TENM3: variants seen among roughly 807,000 people sequenced by gnomAD.
TENM3 encodes the protein teneurin transmembrane protein 3.
TENM3 carries 63 observed loss-of-function variants against 255.1 expected under a neutral mutation model. The observed-to-expected ratio is 0.25, with a 90% CI of 0.20 to 0.30. The LOEUF is 0.30. TENM3 is among the 10% of genes least tolerant of loss of function. The pLI is 1.00. For missense variants in TENM3, 2,929 were observed against 3,461.1 expected (o/e 0.85, Z 3.86); for synonymous variants, 1,306 against 1,322.3 (o/e 0.99, Z 0.27).
chr4:182,147,632 G>C (rs1365720810), intron 1 of TENM3, among the ~76,000 whole-genome samples: 1 of 152,100 alleles, frequency 6.6e-6, no homozygotes, highest in East Asian at 1.9e-4. Context: ...TCTACCCTGT[G>C]TTTCGTTTGA....
At chr4:182,557,441 G>T (rs559592686) in intron 3 of TENM3, among the ~76,000 whole-genome samples, 1 of 152,242 alleles carries the variant, frequency 6.6e-6, no homozygotes, top group East Asian at 1.9e-4. Context: ...CCAGGGCTCA[G>T]CTCTTAACAT....
the TENM3 span, among the ~76,000 whole-genome samples, chr4:181,989,988 T>C: frequency 6.6e-6 from 1 of 152,164 alleles, no homozygotes; most frequent in African/African-American, 2.4e-5. Context: ...ATTGTACATA[T>C]ATAAATGATT....
chr4:182,361,842 G>A (rs1181020070), intron 3 of TENM3, among the ~76,000 whole-genome samples: 2 of 152,096 alleles, frequency 1.3e-5, no homozygotes, highest in African/African-American at 4.8e-5. Flanking sequence ...CCCCGTCTTT[G>A]TGGTTTTATC....
At chr4:182,500,633 ATAATTAG>A (rs1736216999) in intron 3 of TENM3, among the ~76,000 whole-genome samples, 1 of 90,152 alleles carries the variant, frequency 1.1e-5, no homozygotes. Context: ...ATTTAAGTAA[ATAATTAG>A]AAAACGTGTA....
At chr4:182,336,092 T>C (rs77474298) in intron 2 of TENM3, among the ~76,000 whole-genome samples, 2,252 of 152,272 alleles carry the variant, frequency 0.015, 28 homozygotes, top group Non-Finnish European at 0.023. Flanking sequence ...AAGCGGCTAC[T>C]GTAGGCGGGA....
the TENM3 span, among the ~76,000 whole-genome samples, chr4:181,485,494 AAAAG>A: frequency 1.3e-5 from 2 of 152,146 alleles, no homozygotes; most frequent in Admixed American, 1.3e-4. Flanking sequence ...TTTTTTAAAA[AAAAG>A]AGTATCACTT....
chr4:181,793,084 A>G, the TENM3 span, among the ~76,000 whole-genome samples: 6 of 152,180 alleles, frequency 3.9e-5, no homozygotes, highest in East Asian at 7.7e-4. Context: ...ACTTCTTCCA[A>G]TGAATTGACA....
intron 3 of TENM3, among the ~76,000 whole-genome samples, chr4:182,431,266 C>G (rs906865467): frequency 6.6e-6 from 1 of 151,842 alleles, no homozygotes. Flanking sequence ...GAGACCGAGA[C>G]AGGCGGATTA....
chr4:182,372,875 C>T (rs1029529057), intron 3 of TENM3, among the ~76,000 whole-genome samples: 3 of 152,058 alleles, frequency 2.0e-5, no homozygotes, highest in Non-Finnish European at 2.9e-5. Flanking sequence ...ACTATAGGCA[C>T]GTGCCACCAC....
chr4:181,784,156 A>G, the TENM3 span, among the ~76,000 whole-genome samples: 2 of 125,158 alleles, frequency 1.6e-5, no homozygotes, highest in African/African-American at 5.6e-5. Flanking sequence ...GAAACGAGTC[A>G]TCTGTTTTTT....
the TENM3 span, among the ~76,000 whole-genome samples, chr4:181,601,164 G>A: frequency 6.6e-6 from 1 of 152,126 alleles, no homozygotes; most frequent in Admixed American, 6.5e-5. Flanking sequence ...ACCACAAACT[G>A]GGTGATTAAA....
the TENM3 span, among the ~76,000 whole-genome samples, chr4:181,644,228 T>C: frequency 6.6e-6 from 1 of 152,078 alleles, no homozygotes; most frequent in Non-Finnish European, 1.5e-5. Context: ...CAGTGTTCCT[T>C]ACCTGGAAGA....
the TENM3 span, among the ~76,000 whole-genome samples, chr4:181,769,023 C>G: frequency 3.7e-4 from 56 of 151,940 alleles, no homozygotes; most frequent in African/African-American, 1.2e-3. Flanking sequence ...ATTTTTTTCT[C>G]TTTTAGCAGG....
the TENM3 span, among the ~76,000 whole-genome samples, chr4:181,892,267 C>A: frequency 6.6e-6 from 1 of 152,142 alleles, no homozygotes; most frequent in Admixed American, 6.5e-5. Flanking sequence ...ACTCAGGTAG[C>A]CACTGAGTCC....
the TENM3 span, among the ~76,000 whole-genome samples, chr4:181,892,636 C>T: frequency 2.0e-5 from 3 of 152,154 alleles, no homozygotes; most frequent in African/African-American, 7.2e-5. Context: ...CACCTTGGCC[C>T]CTCACATGCT....
the TENM3 span, among the ~76,000 whole-genome samples, chr4:181,602,599 C>T: frequency 6.6e-6 from 1 of 152,158 alleles, no homozygotes; most frequent in East Asian, 1.9e-4. Context: ...ACAAGTCATC[C>T]ACTCTTGAGA....
the TENM3 span, among the ~76,000 whole-genome samples, chr4:182,059,760 AAAG>A: frequency 1.4e-4 from 18 of 130,814 alleles, no homozygotes; most frequent in Admixed American, 3.5e-4. Context: ...AAAAAAAAAA[AAAG>A]AAAAAAAAAA....
intron 3 of TENM3, among the ~76,000 whole-genome samples, chr4:182,561,601 A>G (rs1046724840): frequency 1.3e-5 from 2 of 151,840 alleles, no homozygotes; most frequent in Non-Finnish European, 2.9e-5. Flanking sequence ...ATGAAAACAT[A>G]CAAAAATTTT....
the TENM3 span, among the ~76,000 whole-genome samples, chr4:181,972,507 A>G: frequency 6.6e-6 from 1 of 152,066 alleles, no homozygotes; most frequent in Non-Finnish European, 1.5e-5. Flanking sequence ...TTAAAATGCT[A>G]ACCTTGAAAT....
Sources: gnomAD v4.1 joint callset for allele counts (sites outside exome capture counted in the v4.1 genomes callset) on GRCh38, gnomAD v4.1.1 for gene constraint, MANE v1.5 for transcripts, NCBI Gene and HGNC (gene_info 2026-07-23, HGNC 2026-07-21) for gene names.